Variants in KIF6 observed in about 807,000 individuals in gnomAD.
The protein encoded by KIF6 is kinesin family member 6, also known as kinesin-like protein KIF6.
KIF6 carries 106 observed loss-of-function variants against 112.7 expected under a neutral mutation model. The observed-to-expected ratio is 0.94, with a 90% CI of 0.80 to 1.11. The LOEUF (loss-of-function observed/expected upper bound fraction) is 1.11, where lower values mean the gene tolerates loss of function less well. KIF6 is among the 50% of genes least tolerant of loss of function. KIF6 has a pLI of 0.00. For missense variants in KIF6, 929 were observed against 964.0 expected (o/e 0.96, Z 0.48); for synonymous variants, 339 against 339.9 (o/e 1.00, Z 0.03).
At chr6:39,428,900 G>A (rs1444837447) in intron 14 of KIF6, among the ~76,000 whole-genome samples, 1 of 152,216 alleles carries the variant, frequency 6.6e-6, no homozygotes, top group African/African-American at 2.4e-5. Flanking sequence ...TGGATACTCA[G>A]CATGTTTCCA....
chr6:39,528,310 G>A (rs1327702446), intron 13 of KIF6, among the ~76,000 whole-genome samples: 1 of 152,122 alleles, frequency 6.6e-6, no homozygotes, highest in Non-Finnish European at 1.5e-5. Flanking sequence ...TTTAAAGGTT[G>A]AACAGTATCG....
chr6:39,670,939 A>G (rs992200513), intron 3 of KIF6, among the ~76,000 whole-genome samples: 2 of 152,220 alleles, frequency 1.3e-5, no homozygotes, highest in Admixed American at 6.5e-5. Flanking sequence ...CAGCTTTAGG[A>G]AATAAACTGC....
chr6:39,472,071 C>A (rs928059586), intron 13 of KIF6, among the ~76,000 whole-genome samples: 2 of 152,160 alleles, frequency 1.3e-5, no homozygotes, highest in Admixed American at 6.5e-5. Context: ...TGCACCTTTC[C>A]CTTCACAAGC....
At chr6:39,489,913 A>C (rs1169298234) in intron 13 of KIF6, among the ~76,000 whole-genome samples, 1 of 152,216 alleles carries the variant, frequency 6.6e-6, no homozygotes, top group Non-Finnish European at 1.5e-5. Context: ...TACTGACGGC[A>C]TATTTGACCT....
At chr6:39,363,198 C>CA (rs1242511218) in intron 16 of KIF6, among the ~76,000 whole-genome samples, 3 of 152,018 alleles carry the variant, frequency 2.0e-5, no homozygotes, top group Non-Finnish European at 2.9e-5. Flanking sequence ...AAGCCCTTCA[C>CA]AAAAAAAGGA....
intron 3 of KIF6, among the ~76,000 whole-genome samples, chr6:39,645,275 TG>T (rs1302513626): frequency 6.6e-6 from 1 of 152,148 alleles, no homozygotes; most frequent in African/African-American, 2.4e-5. Context: ...TCAACCCTTT[TG>T]GAGATTATAA....
chr6:39,562,369 T>C (rs1780053297), intron 10 of KIF6, among the ~76,000 whole-genome samples: 7 of 152,222 alleles, frequency 4.6e-5, no homozygotes. Context: ...TGAGTCCTTT[T>C]CTTGCCTCCT....
intron 20 of KIF6, among the ~76,000 whole-genome samples, chr6:39,346,085 T>TCCCCC (rs367850137): frequency 4.6e-5 from 1 of 21,598 alleles, no homozygotes; most frequent in Non-Finnish European, 8.0e-5. Flanking sequence ...TCTCTCTCTC[T>TCCCCC]CCCCCCCCTC....
chr6:39,597,436 G>A (rs973990512), intron 6 of KIF6, among the ~76,000 whole-genome samples: 1 of 152,154 alleles, frequency 6.6e-6, no homozygotes. Flanking sequence ...TGGTGCAGGA[G>A]CAGACAGCTA....
intron 15 of KIF6, among the ~76,000 whole-genome samples, chr6:39,391,485 G>A (rs1034384912): frequency 6.6e-6 from 1 of 152,176 alleles, no homozygotes; most frequent in East Asian, 1.9e-4. Flanking sequence ...AAGCCCAGCT[G>A]CTCACGGGCT....
At chr6:39,487,937 A>G (rs748325340) in intron 13 of KIF6, among the ~76,000 whole-genome samples, 11 of 151,708 alleles carry the variant, frequency 7.3e-5, no homozygotes, top group Non-Finnish European at 1.6e-4. Context: ...GCCATTTGGC[A>G]TTTGGCCAAG....
chr6:39,718,733 C>T (rs1466957503), intron 2 of KIF6, among the ~76,000 whole-genome samples: 1 of 137,110 alleles, frequency 7.3e-6, no homozygotes, highest in Non-Finnish European at 1.5e-5. Context: ...GAGAACCTGT[C>T]TTAGAAAAAA....
At chr6:39,549,888 C>T (rs1475378711) in intron 10 of KIF6, among the ~76,000 whole-genome samples, 1 of 151,916 alleles carries the variant, frequency 6.6e-6, no homozygotes, top group Non-Finnish European at 1.5e-5. Flanking sequence ...ATGATGAATC[C>T]CTCTGCAGGG....
Position 39,458,134 on chromosome 6 carries a change from C to G in KIF6, c.1646-26973G>C, listed in dbSNP as rs879273208. 2.0e-3 allele frequency among the ~76,000 whole-genome samples: 299 copies of G among 146,820 alleles called. 1 individual carries two copies. The highest frequency in any genetic ancestry group is 7.2e-3 in the African/African-American group (268 of 37,454). On this transcript the variant is annotated intron_variant, in intron 13 of 22. Transcript: ENST00000287152. ...GCAAAAATCCTCAATAAAATACTGG[C>G]AAACCGAATCCAGCAGCACATCAAA...
At position 39,394,154 on chromosome 6, in the gene KIF6, G is replaced by A. The variant is rs186804670; in HGVS notation, c.1811-8482C>T. ...ACTGAGGGTGGAAGTGGGGTGGAGA[G>A]TGAATTGGGTAGGAGAGGATAAAGC... On this transcript the variant is annotated intron_variant, in intron 15 of 22. Coordinates refer to ENST00000287152, the MANE Select transcript of KIF6 (RefSeq NM_145027.6). Among the ~76,000 whole-genome samples the A allele has an allele frequency of 2.6e-5, 4 of 152,274 alleles. No individual in the cohort carries two copies. In the East Asian group the frequency reaches 5.8e-4, roughly 22 times the overall value.
intron 13 of KIF6, among the ~76,000 whole-genome samples, chr6:39,444,844 G>A (rs2150400038): frequency 6.6e-6 from 1 of 150,774 alleles, no homozygotes; most frequent in Non-Finnish European, 1.5e-5. Flanking sequence ...AAAAAAAAAA[G>A]GAAATTTTTG....
At chr6:39,399,601 A>G (rs532317861) in intron 15 of KIF6, among the ~76,000 whole-genome samples, 1 of 152,340 alleles carries the variant, frequency 6.6e-6, no homozygotes, top group South Asian at 2.1e-4. Context: ...GCTATAAACT[A>G]TCTTGTGAGA....
chr6:39,354,760 C>A (rs576996812), intron 19 of KIF6, among the ~76,000 whole-genome samples: 2 of 152,198 alleles, frequency 1.3e-5, no homozygotes, highest in Admixed American at 6.5e-5. Flanking sequence ...TGCTGCTATA[C>A]CATGATTTCA....
At chr6:39,694,268 A>C (rs1788398294) in intron 3 of KIF6, among the ~76,000 whole-genome samples, 1 of 152,206 alleles carries the variant, frequency 6.6e-6, no homozygotes, top group African/African-American at 2.4e-5. Context: ...CAAGGCAAGG[A>C]TGTCCACTCT....
Sources: allele counts gnomAD v4.1 joint callset (sites outside exome capture counted in the v4.1 genomes callset), GRCh38; gene constraint gnomAD v4.1.1; transcripts MANE v1.5; gene names NCBI Gene and HGNC (gene_info 2026-07-23, HGNC 2026-07-21).